ITIH5: variants seen among roughly 807,000 people sequenced by gnomAD.
ITIH5 encodes the protein inter-alpha-trypsin inhibitor heavy chain H5.
ITIH5 carries 65 observed loss-of-function variants against 77.5 expected under a neutral mutation model. The observed-to-expected ratio is 0.84, with a 90% CI of 0.69 to 1.03. ITIH5 has a LOEUF of 1.03. Among genes scored for constraint, ITIH5 ranks in the 50% least tolerant of loss-of-function variants. The pLI is 0.00. For synonymous variants in ITIH5, 525 were observed against 494.3 expected (o/e 1.06, Z -0.82); for missense variants, 1,208 against 1,213.1 (o/e 1.00, Z 0.06).
intron 7 of ITIH5, among the ~76,000 whole-genome samples, chr10:7,589,016 G>A (rs12763718): frequency 0.28 from 43,168 of 152,176 alleles, 6,459 homozygotes; most frequent in East Asian, 0.47. Flanking sequence ...AGCCGAGATG[G>A]CTCAGAGCTG....
At chr10:7,565,655 C>G (rs571998615) in intron 13 of ITIH5, among the ~76,000 whole-genome samples, 1 of 148,162 alleles carries the variant, frequency 6.7e-6, no homozygotes, top group Non-Finnish European at 1.5e-5. Flanking sequence ...TATATATATA[C>G]ACACACATAC....
Position 7,562,347 on chromosome 10 carries a change from A to G in ITIH5, c.*736T>C, listed in dbSNP as rs1399638069. ...AAAAGCCCTTAGCTTATTGGAACAA[A>G]TTGGAGAATAGCCATTAGCAAAGTC... On this transcript the variant is annotated 3_prime_UTR_variant, in exon 14 of 14. Transcript: ENST00000397146. 3 of 152,248 alleles carry G rather than the reference A, an allele frequency of 2.0e-5. No individual in the cohort carries two copies. In the East Asian group the frequency reaches 5.8e-4, roughly 29 times the overall value. The allele number at this position is 152,248 out of a possible 1,614,324, so 9.4% of individuals were successfully genotyped here. A position where few individuals can be genotyped will look rare whatever the true frequency, so the allele number is the denominator to read the frequency against.
At chr10:7,659,498 C>G (rs1339322267) in intron 1 of ITIH5, among the ~76,000 whole-genome samples, 2 of 152,202 alleles carry the variant, frequency 1.3e-5, no homozygotes, top group Non-Finnish European at 2.9e-5. Context: ...CTTTATCAGT[C>G]TTGCATGATC....
chr10:7,563,406 T>C, intron 13 of ITIH5, 22 bp from the exon 14 acceptor site: 1 of 1,603,426 alleles, frequency 6.2e-7, no homozygotes, highest in Middle Eastern at 1.7e-4. Context: ...AGGAAAAGCA[T>C]CGGGTCTCAG....
At position 7,609,962 on chromosome 10, in the gene ITIH5, T is replaced by C. The variant is rs189134231; in HGVS notation, c.939+6020A>G. On this transcript the variant is annotated intron_variant, in intron 7 of 13. Coordinates refer to ENST00000397146, the MANE Select transcript of ITIH5 (RefSeq NM_030569.7). ...ATTCTTAATCCTCCCAAGGACTACATGTCTGTCTGCAAATGTCAATGCTTT... is the reference window on the plus strand; with the variant it reads ...ATTCTTAATCCTCCCAAGGACTACACGTCTGTCTGCAAATGTCAATGCTTT... 2.2e-3 allele frequency among the ~76,000 whole-genome samples: 338 copies of C among 152,216 alleles called. 1 individual carries two copies. The highest frequency in any genetic ancestry group is 7.8e-3 in the African/African-American group (324 of 41,550).
intron 1 of ITIH5, among the ~76,000 whole-genome samples, chr10:7,665,769 C>T (rs961885081): frequency 2.6e-5 from 4 of 152,244 alleles, no homozygotes; most frequent in Non-Finnish European, 4.4e-5. Context: ...AAAGCCCAGC[C>T]TGTCTCTGCA....
chr10:7,658,796 A>G (rs1418081210), intron 1 of ITIH5, among the ~76,000 whole-genome samples: 1 of 152,162 alleles, frequency 6.6e-6, no homozygotes, highest in Non-Finnish European at 1.5e-5. Flanking sequence ...TTTATCATGC[A>G]GATGAAGCCC....
intron 5 of ITIH5, among the ~76,000 whole-genome samples, chr10:7,624,469 T>C (rs961932774): frequency 1.3e-4 from 20 of 150,242 alleles, no homozygotes; most frequent in Non-Finnish European, 2.2e-4. Flanking sequence ...ATCGTACCAT[T>C]GCACTCCAGC....
intron 12 of ITIH5, among the ~76,000 whole-genome samples, chr10:7,566,740 AAGAAGAAG>A (rs1343403309): frequency 1.0e-4 from 5 of 49,610 alleles, no homozygotes; most frequent in South Asian, 9.6e-4. Flanking sequence ...AAAAAAAAAA[AAGAAGAAG>A]AAGAAGAAGA....
At chr10:7,594,183 C>T (rs1832850500) in intron 7 of ITIH5, among the ~76,000 whole-genome samples, 1 of 152,210 alleles carries the variant, frequency 6.6e-6, no homozygotes, top group African/African-American at 2.4e-5. Context: ...AAGGGAACAT[C>T]ACTTCAGGGA....
At chr10:7,582,036 T>C (rs541789983) in intron 8 of ITIH5, among the ~76,000 whole-genome samples, 20 of 151,860 alleles carry the variant, frequency 1.3e-4, no homozygotes, top group South Asian at 6.3e-4. Context: ...CCACCATGCC[T>C]GGCTAATTTT....
intron 13 of ITIH5, among the ~76,000 whole-genome samples, chr10:7,565,416 G>A (rs1295192261): frequency 2.0e-5 from 3 of 148,966 alleles, no homozygotes; most frequent in African/African-American, 7.4e-5. Context: ...TACATAGACA[G>A]TATACATACA....
chr10:7,580,046 GC>G lies in ITIH5; in HGVS notation c.1126del (p.Ala376ProfsTer29). ...GAGGAGCCTGATGGCCCTCTGCAGG[GC>G]CCCGTTGATGTCTGTGCCTGCAGGA... Reference protein sequence around the residue: ...SPTGGTDINGALQRAIRLLNK... With the variant: ...SPTGGTDINGXLQRAIRLLNK... On this transcript the variant is annotated frameshift_variant, in exon 9 of 14. Coordinates refer to ENST00000397146, the MANE Select transcript of ITIH5 (RefSeq NM_030569.7). LOFTEE classifies it high-confidence loss of function. 6.2e-7 allele frequency: 1 copy of G among 1,605,234 alleles called. No individual in the cohort carries two copies. Among genetic ancestry groups the G allele is most frequent in the African/African-American group, 1.3e-5 (1 of 74,846 alleles).
intron 7 of ITIH5, among the ~76,000 whole-genome samples, chr10:7,610,992 A>T (rs1219590438): frequency 6.6e-6 from 1 of 152,254 alleles, no homozygotes; most frequent in African/African-American, 2.4e-5. Context: ...CATGCGAGGA[A>T]ATCCCTGCCT....
At chr10:7,599,719 C>T (rs1248450765) in intron 7 of ITIH5, among the ~76,000 whole-genome samples, 1 of 152,106 alleles carries the variant, frequency 6.6e-6, no homozygotes, top group Admixed American at 6.6e-5. Context: ...TATGGACAGG[C>T]TGGGAAAAAG....
chr10:7,586,838 A>AT (rs34045657), intron 7 of ITIH5, among the ~76,000 whole-genome samples: 42,574 of 150,480 alleles, frequency 0.28, 6,260 homozygotes, highest in East Asian at 0.49. Flanking sequence ...CATTCTTCTT[A>AT]TTTTTTTTTT....
At chr10:7,643,425 G>T (rs115715045) in intron 2 of ITIH5, among the ~76,000 whole-genome samples, 3,274 of 152,212 alleles carry the variant, frequency 0.022, 127 homozygotes, top group African/African-American at 0.075. Context: ...GCACATATTG[G>T]TCCATGCCAG....
At chr10:7,619,276 A>C (rs1214939578) in intron 5 of ITIH5, 3 of 152,438 alleles carry the variant, frequency 2.0e-5, no homozygotes, top group Admixed American at 2.0e-4. Flanking sequence ...ATAATATATC[A>C]GCTAAGAACG....
chr10:7,603,376 A>T (rs991231605), intron 7 of ITIH5, among the ~76,000 whole-genome samples: 1 of 152,172 alleles, frequency 6.6e-6, no homozygotes, highest in African/African-American at 2.4e-5. Flanking sequence ...GACTAGTAGT[A>T]GTCAAGGGCT....
Sources: gnomAD v4.1 joint callset for allele counts (sites outside exome capture counted in the v4.1 genomes callset) on GRCh38, gnomAD v4.1.1 for gene constraint, MANE v1.5 for transcripts, NCBI Gene and HGNC (gene_info 2026-07-23, HGNC 2026-07-21) for gene names.